CCDC57: variants seen among roughly 807,000 people sequenced by gnomAD.
CCDC57 encodes coiled-coil domain containing 57.
Under a neutral mutation model 118.9 loss-of-function variants are expected in CCDC57, and 118 were observed. The observed-to-expected ratio is 0.99, with a 90% confidence interval of 0.86 to 1.16. The LOEUF is 1.16. Ranked by LOEUF, CCDC57 falls within the 50% of genes most tolerant of loss-of-function variation. CCDC57 has a pLI of 0.00. For missense variants in CCDC57, 1,300 were observed against 1,320.7 expected, an observed-to-expected ratio of 0.98 and a Z score of 0.24; for synonymous variants, 527 against 532.9, an observed-to-expected ratio of 0.99 and a Z score of 0.15.
chr17:82,182,433 A>C (rs535072488), intron 9 of CCDC57, among the ~76,000 whole-genome samples: 1 of 151,442 alleles, frequency 6.6e-6, no homozygotes, highest in Non-Finnish European at 1.5e-5. Context: ...GGCTCACTGC[A>C]GCCTCCGCCT....
At chr17:82,187,816 G>A (rs2047158849) in intron 8 of CCDC57, among the ~76,000 whole-genome samples, 1 of 132,342 alleles carries the variant, frequency 7.6e-6, no homozygotes, top group Admixed American at 7.6e-5. Flanking sequence ...GCAGGGGTTG[G>A]CTGGGGAGCT....
intron 2 of CCDC57, among the ~76,000 whole-genome samples, chr17:82,205,546 C>T (rs765199304): frequency 6.6e-6 from 1 of 152,238 alleles, no homozygotes; most frequent in Non-Finnish European, 1.5e-5. Context: ...CCTTTATCTG[C>T]CAGTTCCTGT....
exon 20 of CCDC57, chr17:82,101,846 C>T: frequency 1.3e-6 from 2 of 1,578,670 alleles, no homozygotes; most frequent in Non-Finnish European, 1.7e-6. Flanking sequence ...CTCCTGTCGG[C>T]TGCTGGAGGA....
intron 16 of CCDC57, among the ~76,000 whole-genome samples, chr17:82,139,168 C>T (rs569930597): frequency 2.6e-5 from 4 of 152,330 alleles, no homozygotes; most frequent in African/African-American, 4.8e-5. Flanking sequence ...TTGAAAACAG[C>T]GTCAACGTCT....
chr17:82,141,432 T>C (rs1013299696), intron 16 of CCDC57, among the ~76,000 whole-genome samples: 2 of 152,224 alleles, frequency 1.3e-5, no homozygotes, highest in African/African-American at 4.8e-5. Flanking sequence ...GTGGTCCACC[T>C]GCCTAGGCCT....
chr17:82,186,666 CGGTGGT>C (rs2046962625), intron 8 of CCDC57, among the ~76,000 whole-genome samples: 1 of 152,220 alleles, frequency 6.6e-6, no homozygotes, highest in African/African-American at 2.4e-5. Context: ...AATTCTCTAT[CGGTGGT>C]GGCTCATGCC....
At chr17:82,166,084 G>T (rs1433772043) in intron 13 of CCDC57, among the ~76,000 whole-genome samples, 1 of 151,342 alleles carries the variant, frequency 6.6e-6, no homozygotes, top group Non-Finnish European at 1.5e-5. Flanking sequence ...AAGGAGTTTT[G>T]AGAACAGCCT....
chr17:82,115,503 G>C (rs1214817308), intron 19 of CCDC57, among the ~76,000 whole-genome samples: 1 of 152,172 alleles, frequency 6.6e-6, no homozygotes, highest in Non-Finnish European at 1.5e-5. Context: ...AGGCATGGTG[G>C]CTTACGCCTG....
chr17:82,179,835 G>A (rs1184787156), intron 9 of CCDC57, among the ~76,000 whole-genome samples: 1 of 152,212 alleles, frequency 6.6e-6, no homozygotes, highest in Admixed American at 6.5e-5. Context: ...ACAGTAAGGG[G>A]AAACGTTATA....
At chr17:82,191,325 C>G (rs1169534449) in intron 7 of CCDC57, among the ~76,000 whole-genome samples, 1 of 152,092 alleles carries the variant, frequency 6.6e-6, no homozygotes, top group Non-Finnish European at 1.5e-5. Flanking sequence ...GACAGACACT[C>G]CTGCAGAAGG....
exon 18 of CCDC57, chr17:82,128,499 G>A (rs1361057116): frequency 1.5e-5 from 24 of 1,556,422 alleles, no homozygotes; most frequent in African/African-American, 2.7e-5. Flanking sequence ...TCACCTTCGG[G>A]CCTTGCAGGG....
chr17:82,113,839 A>G, intron 19 of CCDC57: 2 of 594,630 alleles, frequency 3.4e-6, no homozygotes, highest in East Asian at 5.6e-5. Context: ...TCAGCTACTC[A>G]GGAGACAAAG....
chr17:82,174,667 G>T (rs2045239299), intron 11 of CCDC57, among the ~76,000 whole-genome samples: 1 of 152,216 alleles, frequency 6.6e-6, no homozygotes, highest in Non-Finnish European at 1.5e-5. Flanking sequence ...AAAGCCTTGA[G>T]TTCGTGTCCG....
chr17:82,170,131 G>A (rs67149434), intron 13 of CCDC57, among the ~76,000 whole-genome samples: 70,878 of 151,942 alleles, frequency 0.47, 17,337 homozygotes, highest in East Asian at 0.88. Flanking sequence ...CCCCGAACAT[G>A]ACTGTATTTG....
chr17:82,128,864 G>A (rs975962523), intron 17 of CCDC57, among the ~76,000 whole-genome samples: 5 of 152,058 alleles, frequency 3.3e-5, no homozygotes, highest in Non-Finnish European at 7.4e-5. Context: ...AGAGCCCCCC[G>A]GCCCAAGATG....
intron 15 of CCDC57, among the ~76,000 whole-genome samples, chr17:82,152,678 C>T (rs1485485797): frequency 1.3e-5 from 2 of 152,264 alleles, no homozygotes; most frequent in Non-Finnish European, 2.9e-5. Context: ...CCACTCCTGG[C>T]CCCTGTAAGG....
intron 19 of CCDC57, among the ~76,000 whole-genome samples, chr17:82,122,957 C>T (rs924976809): frequency 2.0e-5 from 3 of 152,068 alleles, no homozygotes; most frequent in Non-Finnish European, 4.4e-5. Context: ...CTCCCCAAGC[C>T]GGGAAGGATT....
intron 17 of CCDC57, among the ~76,000 whole-genome samples, chr17:82,129,945 C>T (rs1275689445): frequency 6.6e-6 from 1 of 151,834 alleles, no homozygotes; most frequent in East Asian, 1.9e-4. Context: ...ACCTGTAACC[C>T]TAGCACTTTG....
In CCDC57 at chr17:82,128,509, G is replaced by T. The variant is rs759777248; in HGVS notation, c.2666C>A (p.Ala889Asp). Residue 889 changes from alanine (A) to aspartate (D), a missense_variant, in exon 18 of 20, where the codon GCC becomes GAC. By Grantham distance (126) the Ala-to-Asp change is moderately radical. Transcript: ENST00000665763. ...CACTCTCACCTTCGGGCCTTGCAGG[G>T]CGTCAAGTCTGCTGCCCACCTGTGC... 29 of 1,562,688 alleles carry T rather than the reference G, an allele frequency of 1.9e-5. No homozygotes were observed. The highest frequency in any genetic ancestry group is 2.5e-5 in the Non-Finnish European group (29 of 1,152,548).
Sources: allele counts gnomAD v4.1 joint callset (sites outside exome capture counted in the v4.1 genomes callset), GRCh38; gene constraint gnomAD v4.1.1; transcripts MANE v1.5; gene names NCBI Gene and HGNC (gene_info 2026-07-23, HGNC 2026-07-21).